Variants in C6 observed in about 807,000 individuals in gnomAD.
C6 encodes complement component C6.
Under a neutral mutation model 112.9 loss-of-function variants are expected in C6, and 101 were observed. The ratio of observed to expected loss-of-function variants is 0.89; its 90% confidence interval spans 0.76 to 1.06. C6 has a LOEUF of 1.06. Ranked by LOEUF, C6 falls within the 50% of genes least tolerant of loss-of-function variation. C6 has a pLI of 0.00. For missense variants in C6, 1,202 were observed against 1,104.6 expected, an observed-to-expected ratio of 1.09 and a Z score of -1.25; for synonymous variants, 431 against 384.1, an observed-to-expected ratio of 1.12 and a Z score of -1.43.
Position 41,176,569 on chromosome 5 carries a change from G to A in C6, c.1074C>T (p.Phe358=), listed in dbSNP as rs1325518197. 3 of 1,613,868 alleles carry A rather than the reference G, an allele frequency of 1.9e-6. No homozygotes were observed. The highest frequency in any genetic ancestry group is 2.5e-6 in the Non-Finnish European group (3 of 1,179,872). ...EYNSALYSRI[F]DDFGTHYFTS... ...TGAAGTAATGAGTCCCAAAGTCATC[G>A]AATATTCGGCTGTACAAAGCAGAGT... is the stretch of plus-strand genomic sequence containing the variant. The change falls in exon 8 of 18, where the codon TTC becomes TTT. Residue 358 remains phenylalanine, a synonymous_variant. Coordinates refer to ENST00000337836, the MANE Select transcript of C6 (RefSeq NM_000065.5).
At chr5:41,201,087 C>G (rs190882139) in intron 3 of C6, among the ~76,000 whole-genome samples, 32 of 151,946 alleles carry the variant, frequency 2.1e-4, no homozygotes, top group African/African-American at 7.7e-4. Context: ...AAATTATCTT[C>G]AGGCTATATG....
Position 41,149,955 on chromosome 5 carries a change from C to T in C6, c.2361G>A (p.Met787Ile), listed in dbSNP as rs1476053510. 1 of 1,611,836 alleles carries T rather than the reference C, an allele frequency of 6.2e-7. No individual in the cohort carries two copies. Among genetic ancestry groups the T allele is most frequent in the Non-Finnish European group, 8.5e-7 (1 of 1,178,028 alleles). ...CTTACCTACAGTCTTCTTCTGGAGACATACAAATGCATTCAGATCCTGATT... is the reference window on the plus strand; with the variant it reads ...CTTACCTACAGTCTTCTTCTGGAGATATACAAATGCATTCAGATCCTGATT... ...QKQSGSECIC[M>I]SPEEDCSHHS... Residue 787 changes from methionine (M) to isoleucine (I), a missense_variant, in exon 16 of 18, where the codon ATG (methionine) becomes ATA (isoleucine). By Grantham distance (10) the Met-to-Ile change is conservative. Coordinates refer to ENST00000337836, the MANE Select transcript of C6 (RefSeq NM_000065.5).
At chr5:41,235,417 T>C (rs1449304917) in intron 1 of C6, among the ~76,000 whole-genome samples, 2 of 146,004 alleles carry the variant, frequency 1.4e-5, no homozygotes, top group Non-Finnish European at 1.5e-5. Flanking sequence ...CATCAATTTT[T>C]ATGGCTGCAT....
intron 1 of C6, among the ~76,000 whole-genome samples, chr5:41,204,607 T>C (rs1751279978): frequency 6.6e-6 from 1 of 151,054 alleles, no homozygotes; most frequent in African/African-American, 2.5e-5. Context: ...ATAAAAATTG[T>C]TTTTTCAGTA....
intron 1 of C6, among the ~76,000 whole-genome samples, chr5:41,227,990 C>T (rs1390834025): frequency 6.6e-6 from 1 of 152,030 alleles, no homozygotes; most frequent in African/African-American, 2.4e-5. Context: ...ATTTGTTTTT[C>T]TGTTTTCTGT....
Position 41,153,357 on chromosome 5 carries a change from A to G in C6, c.2290+453T>C, listed in dbSNP as rs117866971. On this transcript the variant is annotated intron_variant, in intron 15 of 17. Coordinates refer to ENST00000337836, the MANE Select transcript of C6 (RefSeq NM_000065.5). ...TGTGCACATGCATGCATATGCCCTT[A>G]TGAGGATACTGCCTACAGTGTCTTA... 2.0e-5 allele frequency among the ~76,000 whole-genome samples: 3 copies of G among 152,340 alleles called. No homozygotes were observed. The East Asian group carries it at 5.8e-4, about 29-fold the overall frequency.
Position 41,181,490 on chromosome 5 carries a change from T to C in C6, c.796A>G (p.Asn266Asp). ...KDLTSLGHNE[N>D]QQGSFSSQGG... ...TGACTTGAGAATGAGCCTTGTTGAT[T>C]TTCATTGTGTCCAAGAGAAGTTAAA... is the stretch of plus-strand genomic sequence containing the variant. The change falls in exon 7 of 18, where the codon AAT becomes GAT. Residue 266 changes from asparagine to aspartate, a missense_variant. Transcript: ENST00000337836. 6.2e-7 allele frequency: 1 copy of C among 1,613,810 alleles called. No homozygotes were observed.
At position 41,150,020 on chromosome 5, in the gene C6, G is replaced by A. The variant is rs374161182; in HGVS notation, c.2296C>T (p.Leu766=). The A allele has an allele frequency of 6.6e-4, 1,065 of 1,606,464 alleles. No individual in the cohort carries two copies. The highest frequency in any genetic ancestry group is 8.5e-4 in the Non-Finnish European group (993 of 1,173,372). ...SNSLTCEKDT[L]TKLKGHCQLG... is the part of the protein sequence containing the mutation. ...TGACAATGGCCTTTTAATTTTGTTAGAGTATCTGAAACAAAAGAAAAAAGG... is the reference window on the plus strand; with the variant it reads ...TGACAATGGCCTTTTAATTTTGTTAAAGTATCTGAAACAAAAGAAAAAAGG... Residue 766 remains leucine (L), a synonymous_variant, in exon 16 of 18, where the codon CTA becomes TTA. Transcript: ENST00000337836.
At chr5:41,189,345 C>T (rs1750022554) in intron 5 of C6, among the ~76,000 whole-genome samples, 1 of 151,986 alleles carries the variant, frequency 6.6e-6, no homozygotes. Flanking sequence ...AGCAGCATTA[C>T]TCATACTAGT....
intron 1 of C6, among the ~76,000 whole-genome samples, chr5:41,248,296 T>A (rs1301185040): frequency 6.6e-6 from 1 of 152,158 alleles, no homozygotes. Context: ...TCAAAAGCAA[T>A]TGCAACAGAA....
At chr5:41,250,363 T>C (rs1299838531) in intron 1 of C6, among the ~76,000 whole-genome samples, 2 of 152,252 alleles carry the variant, frequency 1.3e-5, no homozygotes, top group Non-Finnish European at 2.9e-5. Flanking sequence ...AGCACGTTTT[T>C]AGAGCTGTTG....
chr5:41,158,970 G>A, intron 12 of C6, 112 bp downstream of exon 12: 1 of 1,356,620 alleles, frequency 7.4e-7, no homozygotes, highest in Non-Finnish European at 1.1e-6. Flanking sequence ...GTTGGCATAG[G>A]TAAAGTTCTA....
At chr5:41,196,468 GAGA>G (rs1429816265) in intron 4 of C6, among the ~76,000 whole-genome samples, 6 of 151,884 alleles carry the variant, frequency 4.0e-5, no homozygotes, top group African/African-American at 4.8e-5. Flanking sequence ...AACTAGAAAG[GAGA>G]AGGAGGGAGC....
At chr5:41,228,006 A>G (rs553152392) in intron 1 of C6, among the ~76,000 whole-genome samples, 3 of 152,284 alleles carry the variant, frequency 2.0e-5, no homozygotes, top group East Asian at 3.9e-4. Context: ...TCTGTGAAGA[A>G]TGCCATTATG....
At chr5:41,212,270 T>C (rs1225018446) in intron 1 of C6, among the ~76,000 whole-genome samples, 1 of 152,060 alleles carries the variant, frequency 6.6e-6, no homozygotes, top group African/African-American at 2.4e-5. Flanking sequence ...CAAGCAATTC[T>C]CTGCCTCAGC....
At chr5:41,194,029 A>G (rs1316112811) in intron 5 of C6, among the ~76,000 whole-genome samples, 2 of 152,170 alleles carry the variant, frequency 1.3e-5, no homozygotes, top group African/African-American at 4.8e-5. Flanking sequence ...CTTCAGCCAA[A>G]GTACACATAG....
chr5:41,179,852 C>T (rs1259134768), intron 7 of C6, among the ~76,000 whole-genome samples: 2 of 151,842 alleles, frequency 1.3e-5, no homozygotes, highest in Middle Eastern at 3.4e-3. Context: ...AAGTGTAATA[C>T]AATGAATAAG....
intron 7 of C6, among the ~76,000 whole-genome samples, chr5:41,181,080 A>G (rs545411388): frequency 1.3e-5 from 2 of 152,120 alleles, no homozygotes; most frequent in East Asian, 3.9e-4. Context: ...GTTCTGTTGT[A>G]TGGAGTTTAT....
intron 13 of C6, among the ~76,000 whole-genome samples, chr5:41,157,741 C>T (rs914635185): frequency 3.3e-5 from 5 of 152,060 alleles, no homozygotes; most frequent in Admixed American, 6.6e-5. Context: ...ATCAGAAACT[C>T]GAGGAGTGAG....
Sources: allele counts gnomAD v4.1 joint callset (sites outside exome capture counted in the v4.1 genomes callset), GRCh38; gene constraint gnomAD v4.1.1; transcripts MANE v1.5; gene names NCBI Gene and HGNC (gene_info 2026-07-23, HGNC 2026-07-21).